TMEM94: variants seen among roughly 807,000 people sequenced by gnomAD.
TMEM94 encodes the protein transmembrane protein 94.
In TMEM94, 81 loss-of-function variants were observed where a neutral mutation model predicts 158.6. The ratio of observed to expected loss-of-function variants is 0.51; its 90% CI spans 0.43 to 0.61. The LOEUF (loss-of-function observed/expected upper bound fraction) is 0.61, where lower values mean the gene tolerates loss of function less well. Among genes scored for constraint, TMEM94 ranks in the 20% least tolerant of loss-of-function variants. The pLI, the probability that TMEM94 is intolerant of heterozygous loss-of-function variation, is 0.00. For synonymous variants in TMEM94, 751 were observed against 730.7 expected (o/e 1.03, Z -0.45); for missense variants, 1,435 against 1,762.0 (o/e 0.81, Z 3.32).
intron 1 of TMEM94, chr17:75,459,771 G>C (rs2050005537): frequency 6.6e-6 from 1 of 152,144 alleles, no homozygotes; most frequent in African/African-American, 2.4e-5. Flanking sequence ...CGTGGCACTG[G>C]TTGGTAAATA....
chr17:75,485,948 A>G lies in TMEM94; in HGVS notation c.222A>G (p.Leu74=), dbSNP rs534428646. ...ACTGGCCGGGGGCCTCACTCATGCTACTGGCCGTGCTGCTGCTGCTGGGCT... is the reference window on the plus strand; with the variant it reads ...ACTGGCCGGGGGCCTCACTCATGCTGCTGGCCGTGCTGCTGCTGCTGGGCT... The part of the protein sequence containing the change: ...CFHWPGASLM[L]LAVLLLLGCC... The change falls in exon 4 of 32, where the codon CTA becomes CTG. Residue 74 remains leucine, a synonymous_variant. Coordinates refer to ENST00000314256, the MANE Select transcript of TMEM94 (RefSeq NM_014738.6). The surrounding 1 kb of genome is among the most constrained non-coding windows in gnomAD (Gnocchi z 5.5). 3.3e-5 allele frequency: 53 copies of G among 1,613,564 alleles called. No individual in the cohort carries two copies. The South Asian group carries it at 5.8e-4, about 18-fold the overall frequency.
chr17:75,496,889 G>C (rs1258081765), intron 25 of TMEM94, 82 bp downstream of exon 25: 7 of 1,451,966 alleles, frequency 4.8e-6, no homozygotes, highest in Non-Finnish European at 6.7e-6. Flanking sequence ...GAGGAAGGAG[G>C]CTGGGGTTAG....
At chr17:75,463,008 TA>T (rs1217028321) in intron 1 of TMEM94, among the ~76,000 whole-genome samples, 1 of 5,684 alleles carries the variant, frequency 1.8e-4, no homozygotes, top group African/African-American at 1.9e-3. Context: ...ATAAAAAAAG[TA>T]AAAAAAAAAA....
intron 2 of TMEM94, among the ~76,000 whole-genome samples, chr17:75,475,701 G>A (rs1043991737): frequency 6.7e-6 from 1 of 148,988 alleles, no homozygotes; most frequent in African/African-American, 2.5e-5. Context: ...CTGCCTGGGG[G>A]ATGCAGGGCC....
Position 75,491,733 on chromosome 17 carries a change from A to G in TMEM94, c.1429A>G (p.Thr477Ala). Reference protein sequence around the residue: ...DALLAGSLNNTLHLSNEQERG... With the variant: ...DALLAGSLNNALHLSNEQERG... ...CCTCCTGGCTGGCTCCCTGAACAAC[A>G]CCCTGCACCTTTCCAATGAGCAGGA... Residue 477 changes from threonine (T) to alanine (A), a missense_variant, in exon 14 of 32, where the codon ACC becomes GCC. Coordinates refer to ENST00000314256, the MANE Select transcript of TMEM94 (RefSeq NM_014738.6). This position sits in a 1 kb window ranked among gnomAD's most constrained non-coding sequence, Gnocchi z 5.1. The G allele has an allele frequency of 6.2e-7, 1 of 1,613,776 alleles. No individual in the cohort carries two copies.
At chr17:75,497,033 G>A (rs1052411646) in intron 25 of TMEM94, 80 bp from the exon 26 acceptor site, 5 of 1,301,928 alleles carry the variant, frequency 3.8e-6, no homozygotes, top group Admixed American at 1.7e-5. Flanking sequence ...CTGGGCCCAG[G>A]GCAAGGGAGC....
At chr17:75,472,464 A>G (rs1274554741) in intron 2 of TMEM94, among the ~76,000 whole-genome samples, 1 of 152,208 alleles carries the variant, frequency 6.6e-6, no homozygotes, top group African/African-American at 2.4e-5. Context: ...AGAGTTGTCA[A>G]TCAGAAAACT....
chr17:75,477,914 C>T (rs901191461), intron 2 of TMEM94, among the ~76,000 whole-genome samples: 51 of 140,064 alleles, frequency 3.6e-4, no homozygotes, highest in African/African-American at 1.2e-3. Flanking sequence ...GAGGCTGAGG[C>T]GGGAGAATCG....
intron 11 of TMEM94, 61 bp downstream of exon 11, chr17:75,490,819 C>T (rs997942752): frequency 2.0e-6 from 3 of 1,497,672 alleles, no homozygotes; most frequent in Non-Finnish European, 2.8e-6. Context: ...CCCTGGGACT[C>T]CCCTATTTAT....
At position 75,473,853 on chromosome 17, in the gene TMEM94, G is replaced by A. The variant is rs578259987; in HGVS notation, c.24+1924G>A. Among the ~76,000 whole-genome samples the A allele has an allele frequency of 3.9e-5, 6 of 152,256 alleles. 1 individual carries two copies. The South Asian group carries it at 1.0e-3, about 26-fold the overall frequency. The stretch of plus-strand genomic sequence containing the variant: ...AAGCAGGCTGGGCACAGTGGCTCAC[G>A]TCTGTAATCTCAGCACTTTGGGAGG... On this transcript the variant is annotated intron_variant, in intron 2 of 31. Coordinates refer to ENST00000314256, the MANE Select transcript of TMEM94 (RefSeq NM_014738.6).
Position 75,499,576 on chromosome 17 carries a change from C to G in TMEM94, c.*242C>G, listed in dbSNP as rs1018557235. 3.5e-6 allele frequency: 2 copies of G among 569,814 alleles called. No homozygotes were observed. The highest frequency in any genetic ancestry group is 3.7e-5 in the African/African-American group (2 of 53,350). The allele number at this position is 569,814 out of a possible 1,614,324, so 35.3% of individuals were successfully genotyped here. ...TTCCCTGGGCCTCACCAGGGACACT[C>G]TTGAATGTATGGCCTCAGGCGCTCC... is the stretch of plus-strand genomic sequence containing the variant. On this transcript the variant is annotated 3_prime_UTR_variant, in exon 32 of 32. Transcript: ENST00000314256.
In TMEM94 at chr17:75,493,992, G is replaced by A. The variant is rs373472589; in HGVS notation, c.2407+76G>A. ...GCCGAAGCCCAGGAGCAGGGAGGGC[G>A]TCTGGAGGGCCCCGGCACCCCCCAC... is the stretch of plus-strand genomic sequence containing the variant. On this transcript the variant is annotated intron_variant, in intron 18 of 31. Transcript: ENST00000314256. 8.0e-5 allele frequency: 115 copies of A among 1,434,302 alleles called. No homozygotes were observed. The South Asian group carries it at 1.1e-3, about 13-fold the overall frequency. 88.8% of individuals were successfully genotyped at this position (1,434,302 alleles called of 1,614,324 possible).
At chr17:75,461,340 TC>T (rs1391246937) in intron 1 of TMEM94, among the ~76,000 whole-genome samples, 1 of 151,910 alleles carries the variant, frequency 6.6e-6, no homozygotes, top group Admixed American at 6.6e-5. Context: ...CCCCAGATGA[TC>T]CGCCTGCTTC....
intron 2 of TMEM94, among the ~76,000 whole-genome samples, chr17:75,479,445 G>A (rs536675130): frequency 2.0e-5 from 3 of 152,048 alleles, no homozygotes; most frequent in East Asian, 1.9e-4. Flanking sequence ...TCAGCCTCCC[G>A]AGTAGGTGAG....
At chr17:75,497,026 G>C in intron 25 of TMEM94, 87 bp from the exon 26 acceptor site, 3 of 1,213,124 alleles carry the variant, frequency 2.5e-6, no homozygotes, top group Non-Finnish European at 3.7e-6. Context: ...CATCTATCTG[G>C]GCCCAGGGCA....
chr17:75,490,175 C>T, intron 9 of TMEM94, 59 bp from the exon 10 acceptor site: 2 of 1,591,096 alleles, frequency 1.3e-6, no homozygotes, highest in Non-Finnish European at 1.7e-6. Flanking sequence ...CAGCCCTTCC[C>T]TTCCCTCCTC....
intron 1 of TMEM94, among the ~76,000 whole-genome samples, chr17:75,462,001 GTTTTGTTTTGT>G (rs1163926232): frequency 1.2e-5 from 1 of 85,664 alleles, no homozygotes; most frequent in Admixed American, 1.3e-4. Flanking sequence ...TTTTTGTTTT[GTTTTGTTTTGT>G]TTTTTTTTTT....
intron 31 of TMEM94, 89 bp downstream of exon 31, chr17:75,499,171 TG>T (rs2053067103): frequency 6.3e-7 from 1 of 1,589,902 alleles, no homozygotes; most frequent in Non-Finnish European, 8.6e-7. Flanking sequence ...ACCTTTCCGC[TG>T]CCCATCCCTC....
chr17:75,477,076 C>T (rs2050733052), intron 2 of TMEM94, among the ~76,000 whole-genome samples: 1 of 152,178 alleles, frequency 6.6e-6, no homozygotes, highest in South Asian at 2.1e-4. Flanking sequence ...GCCATCCCTC[C>T]TCAGGGCCAA....
Sources: gnomAD v4.1 joint callset for allele counts (sites outside exome capture counted in the v4.1 genomes callset) on GRCh38, gnomAD v4.1.1 for gene constraint, Gnocchi (gnomAD v3.1) non-coding constraint, MANE v1.5 for transcripts, NCBI Gene and HGNC (gene_info 2026-07-23, HGNC 2026-07-21) for gene names.